The following BTBD9 variants were observed in gnomAD, a reference collection of about 807,000 sequenced individuals.
The protein encoded by BTBD9 is BTB domain containing 9.
Under a neutral mutation model 64.3 loss-of-function variants are expected in BTBD9, and 49 were observed. The observed-to-expected ratio is 0.76, with a 90% CI of 0.61 to 0.97. The LOEUF (loss-of-function observed/expected upper bound fraction) is 0.97, where lower values mean the gene tolerates loss of function less well. Among genes scored for constraint, BTBD9 ranks in the 50% least tolerant of loss-of-function variants. The pLI, the probability that BTBD9 is intolerant of heterozygous loss-of-function variation, is 0.00. For synonymous variants in BTBD9, 260 were observed against 274.7 expected (o/e 0.95, Z 0.53); for missense variants, 598 against 762.1 (o/e 0.78, Z 2.53).
intron 1 of BTBD9, among the ~76,000 whole-genome samples, chr6:38,625,993 C>T (rs187265585): frequency 5.5e-4 from 84 of 152,264 alleles, no homozygotes; most frequent in Middle Eastern, 3.4e-3. Flanking sequence ...CTGAAGGCTA[C>T]AGAGGAATCA....
chr6:38,541,476 C>T (rs1286436184), intron 6 of BTBD9, among the ~76,000 whole-genome samples: 3 of 152,284 alleles, frequency 2.0e-5, no homozygotes, highest in South Asian at 4.1e-4. Flanking sequence ...CAGTGGCTCA[C>T]GCCTGTAATC....
intron 10 of BTBD9, among the ~76,000 whole-genome samples, chr6:38,178,940 C>A (rs1761414191): frequency 6.6e-6 from 1 of 152,062 alleles, no homozygotes; most frequent in African/African-American, 2.4e-5. Flanking sequence ...GCAACCTCCG[C>A]CTCCCAGGTT....
intron 6 of BTBD9, among the ~76,000 whole-genome samples, chr6:38,433,561 C>T (rs1768550686): frequency 6.6e-6 from 1 of 151,866 alleles, no homozygotes; most frequent in South Asian, 2.1e-4. Context: ...GAGAAAAACC[C>T]CCTTTGACTG....
intron 1 of BTBD9, among the ~76,000 whole-genome samples, chr6:38,636,393 C>T (rs550450083): frequency 1.3e-5 from 2 of 152,322 alleles, no homozygotes; most frequent in South Asian, 2.1e-4. Context: ...GTGGATCTCT[C>T]TTTTTAAACT....
At chr6:38,538,314 G>A (rs1311112564) in intron 6 of BTBD9, among the ~76,000 whole-genome samples, 1 of 152,058 alleles carries the variant, frequency 6.6e-6, no homozygotes, top group Non-Finnish European at 1.5e-5. Context: ...AATTACTTTG[G>A]GGAAATTAAG....
intron 6 of BTBD9, among the ~76,000 whole-genome samples, chr6:38,561,882 A>G (rs560326670): frequency 2.0e-5 from 3 of 152,286 alleles, no homozygotes; most frequent in Non-Finnish European, 2.9e-5. Context: ...GCGAAACACA[A>G]TATACCCATG....
At chr6:38,577,969 T>TA (rs1300089424) in intron 5 of BTBD9, among the ~76,000 whole-genome samples, 3 of 152,188 alleles carry the variant, frequency 2.0e-5, no homozygotes, top group Admixed American at 1.3e-4. Flanking sequence ...ATCCTGTACT[T>TA]ATATTCATAT....
chr6:38,610,971 C>T (rs1259763164), intron 1 of BTBD9, among the ~76,000 whole-genome samples: 1 of 151,896 alleles, frequency 6.6e-6, no homozygotes, highest in African/African-American at 2.4e-5. Context: ...TATTACAGTG[C>T]ATCTATACAA....
chr6:38,305,552 A>G (rs1762596234), intron 7 of BTBD9, among the ~76,000 whole-genome samples: 1 of 152,142 alleles, frequency 6.6e-6, no homozygotes, highest in South Asian at 2.1e-4. Context: ...GCACGGTCTC[A>G]ACTCACTACA....
At chr6:38,263,570 G>A (rs1045983685) in intron 8 of BTBD9, among the ~76,000 whole-genome samples, 8 of 152,058 alleles carry the variant, frequency 5.3e-5, no homozygotes, top group Non-Finnish European at 1.2e-4. Flanking sequence ...CCAGCCTAAC[G>A]TGCCCTGTTC....
chr6:38,519,761 T>C (rs1773200663), intron 6 of BTBD9, among the ~76,000 whole-genome samples: 1 of 152,204 alleles, frequency 6.6e-6, no homozygotes, highest in Non-Finnish European at 1.5e-5. Flanking sequence ...CAGCTCCAGC[T>C]ACCCTTGAGG....
At chr6:38,267,908 C>T (rs1561949658) in intron 8 of BTBD9, among the ~76,000 whole-genome samples, 1 of 152,136 alleles carries the variant, frequency 6.6e-6, no homozygotes, top group Admixed American at 6.5e-5. Context: ...CCACTGCACT[C>T]CAGCCTGGGT....
rs138376465 is a variant in BTBD9 at position 38,524,509 on chromosome 6, C to G, written c.1154+53091G>C. On this transcript the variant is annotated intron_variant, in intron 6 of 10. Coordinates refer to ENST00000481247, the MANE Select transcript of BTBD9 (RefSeq NM_001099272.2). ...TTTATTTAACAAATGAATGAGCTAC[C>G]TTGACCACAAAATTATCTAAGTTGT... is the stretch of plus-strand genomic sequence containing the variant. 1.4e-4 allele frequency among the ~76,000 whole-genome samples: 22 copies of G among 152,206 alleles called. No individual in the cohort carries two copies. In the East Asian group the frequency reaches 4.1e-3, roughly 28 times the overall value.
chr6:38,425,927 TACAC>T (rs61016424), intron 6 of BTBD9, among the ~76,000 whole-genome samples: 4,979 of 137,030 alleles, frequency 0.036, 188 homozygotes, highest in East Asian at 0.13. Flanking sequence ...AAGAAACACA[TACAC>T]ACACACACAC....
intron 6 of BTBD9, among the ~76,000 whole-genome samples, chr6:38,394,755 A>G (rs575124795): frequency 6.6e-6 from 1 of 152,278 alleles, no homozygotes; most frequent in Non-Finnish European, 1.5e-5. Context: ...GGGACACTCA[A>G]GCAGCCCTCT....
chr6:38,458,268 C>T (rs1485716382), intron 6 of BTBD9, among the ~76,000 whole-genome samples: 1 of 152,168 alleles, frequency 6.6e-6, no homozygotes, highest in Non-Finnish European at 1.5e-5. Context: ...AAAATGAGTT[C>T]TTTCATTAGA....
In BTBD9 at chr6:38,489,852, A is replaced by G. The variant is rs76121492; in HGVS notation, c.1154+87748T>C. Among the ~76,000 whole-genome samples the G allele has an allele frequency of 5.3e-3, 814 of 152,360 alleles. 4 individuals are homozygous for G. The highest frequency in any genetic ancestry group is 8.9e-3 in the Non-Finnish European group (606 of 68,046). ...AGGTATTCATCTTCTTTTTGATGAT[A>G]AGAGCCAAACAGAAAAGATTTTAAC... On this transcript the variant is annotated intron_variant, in intron 6 of 10. Transcript: ENST00000481247.
chr6:38,420,850 G>A (rs1049873355), intron 6 of BTBD9, among the ~76,000 whole-genome samples: 6 of 151,794 alleles, frequency 4.0e-5, no homozygotes, highest in African/African-American at 1.5e-4. Context: ...GTGAGACTCC[G>A]TCTCAAATAA....
At chr6:38,476,405 T>A (rs1213484886) in intron 6 of BTBD9, among the ~76,000 whole-genome samples, 2 of 152,162 alleles carry the variant, frequency 1.3e-5, no homozygotes, top group Non-Finnish European at 2.9e-5. Flanking sequence ...CAGGAAGACA[T>A]ATTAAAGTCA....
Sources: gnomAD v4.1 joint callset for allele counts (sites outside exome capture counted in the v4.1 genomes callset) on GRCh38, gnomAD v4.1.1 for gene constraint, MANE v1.5 for transcripts, NCBI Gene and HGNC (gene_info 2026-07-23, HGNC 2026-07-21) for gene names.